ASB18: variants seen among roughly 807,000 people sequenced by gnomAD.
ASB18 encodes the protein ankyrin repeat and SOCS box protein 18.
ASB18 carries 33 observed loss-of-function variants against 33.4 expected under a neutral mutation model. That is an observed-to-expected ratio of 0.99 (90% CI 0.75 to 1.32). ASB18 has a LOEUF of 1.32. Among genes scored for constraint, ASB18 ranks in the 40% most tolerant of loss-of-function variants. The pLI, the probability that ASB18 is intolerant of heterozygous loss-of-function variation, is 0.00. For missense variants in ASB18, 694 were observed against 655.5 expected (o/e 1.06, Z -0.64); for synonymous variants, 295 against 307.6 (o/e 0.96, Z 0.43).
At position 236,205,259 on chromosome 2, in the gene ASB18, C is replaced by T. The variant is rs2060427402; in HGVS notation, c.1102-8874G>A. ...TTACCACCCCTAATCTCATCTCCTA[C>T]TCCCATCCCACTAGCTCCTTCCATC... is the stretch of plus-strand genomic sequence containing the variant. On this transcript the variant is annotated intron_variant, in intron 4 of 5. Transcript: ENST00000409749. The surrounding 1 kb of genome is among the most constrained non-coding windows in gnomAD (Gnocchi z 5.4). 6.6e-6 allele frequency among the ~76,000 whole-genome samples: 1 copy of T among 152,218 alleles called. No individual in the cohort carries two copies. Among genetic ancestry groups the T allele is most frequent in the Non-Finnish European group, 1.5e-5 (1 of 68,046 alleles).
rs1415225462 is a variant in ASB18, at chr2:236,193,827, T to G, written c.*1045A>C. Among the ~76,000 whole-genome samples, 1 of 152,170 alleles carries G rather than the reference T, an allele frequency of 6.6e-6. No individual in the cohort carries two copies. Among genetic ancestry groups the G allele is most frequent in the Admixed American group, 6.5e-5 (1 of 15,276 alleles). The stretch of plus-strand genomic sequence containing the variant: ...AAGACTGATTCCTGGGCAAGGCCAC[T>G]GTCTGTATGGGTTTTCTCTGGGTGC... On this transcript the variant is annotated 3_prime_UTR_variant, in exon 6 of 6. Transcript: ENST00000409749. The surrounding 1 kb of genome is among the most constrained non-coding windows in gnomAD (Gnocchi z 5.0).
chr2:236,246,918 T>C (rs2060648048), intron 1 of ASB18, among the ~76,000 whole-genome samples: 1 of 152,222 alleles, frequency 6.6e-6, no homozygotes, highest in Admixed American at 6.5e-5. Context: ...CAACTGTGTT[T>C]CACTTTAACG....
Position 236,255,286 on chromosome 2 carries a change from G to A in ASB18, c.205+8855C>T, listed in dbSNP as rs1229232689. On this transcript the variant is annotated intron_variant, in intron 1 of 5. Coordinates refer to ENST00000409749, the MANE Select transcript of ASB18 (RefSeq NM_212556.4). This position sits in a 1 kb window ranked among gnomAD's most constrained non-coding sequence, Gnocchi z 4.4. ...AGCCTCTTGAGTAGCTGAAATTACA[G>A]GCGCCCACCACGACGCCCAGCTAAT... Among the ~76,000 whole-genome samples, 1 of 152,008 alleles carries A rather than the reference G, an allele frequency of 6.6e-6. No individual in the cohort carries two copies. The highest frequency in any genetic ancestry group is 1.5e-5 in the Non-Finnish European group (1 of 68,002).
At position 236,214,446 on chromosome 2, in the gene ASB18, G is replaced by A. The variant is rs764175796; in HGVS notation, c.1017C>T (p.Cys339=). The A allele has an allele frequency of 1.9e-6, 3 of 1,540,552 alleles. No individual in the cohort carries two copies. The highest frequency in any genetic ancestry group is 1.9e-5 in the Admixed American group (1 of 51,874). ...TGCGCTGCGGTGAGGCCTGGAGAGC[G>A]CAGGATGCGGTCTGGAGCACGCGGC... The part of the protein sequence containing the change: ...PLGRVLQTAS[C]ALQASPQRTV... The change falls in exon 4 of 6, where the codon TGC becomes TGT. Residue 339 remains cysteine (C), a synonymous_variant. Coordinates refer to ENST00000409749, the MANE Select transcript of ASB18 (RefSeq NM_212556.4). The surrounding 1 kb of genome is among the most constrained non-coding windows in gnomAD (Gnocchi z 6.5).
chr2:236,264,062 C>A lies in ASB18; in HGVS notation c.205+79G>T. 1.5e-6 allele frequency: 2 copies of A among 1,296,776 alleles called. No homozygotes were observed. The highest frequency in any genetic ancestry group is 2.5e-5 in the South Asian group (2 of 79,914). The allele number at this position is 1,296,776 out of a possible 1,614,324, so 80.3% of individuals were successfully genotyped here. A position where few individuals can be genotyped will look rare whatever the true frequency, so the allele number is the denominator to read the frequency against. ...ATTTACTTTTTCCAAACATTTGCCC[C>A]TCTACCTCCAGGATCTGCCCACCCC... On this transcript the variant is annotated intron_variant, in intron 1 of 5. Transcript: ENST00000409749. This position sits in a 1 kb window ranked among gnomAD's most constrained non-coding sequence, Gnocchi z 5.1.
intron 4 of ASB18, among the ~76,000 whole-genome samples, chr2:236,199,786 GT>G (rs79482867): frequency 0.27 from 40,247 of 147,768 alleles, 5,559 homozygotes; most frequent in South Asian, 0.39. Context: ...GATAAAATTT[GT>G]TTTTTTTTTA....
chr2:236,197,976 T>C (rs1341510450), intron 4 of ASB18, among the ~76,000 whole-genome samples: 1 of 152,204 alleles, frequency 6.6e-6, no homozygotes, highest in Non-Finnish European at 1.5e-5. Flanking sequence ...TATGCAACTT[T>C]TCTAAGCCCA....
Position 236,194,951 on chromosome 2 carries a change from A to G in ASB18, c.1322T>C (p.Phe441Ser), listed in dbSNP as rs971186011. The change falls in exon 6 of 6, where the codon TTT (phenylalanine) becomes TCT (serine). Residue 441 changes from phenylalanine to serine, a missense_variant. By Grantham distance (155) the Phe-to-Ser change is radical. Coordinates refer to ENST00000409749, the MANE Select transcript of ASB18 (RefSeq NM_212556.4). This position sits in a 1 kb window ranked among gnomAD's most constrained non-coding sequence, Gnocchi z 4.5. ...CAAGGGTAACAGGGGGATGAGGTCA[A>G]AGCACCTTTTGCCAAACAGTCTGCG... ...ALRRLFGKRCFDLIPLLPLPK... is the reference protein window; with the variant it reads ...ALRRLFGKRCSDLIPLLPLPK... 26 of 1,613,912 alleles carry G rather than the reference A, an allele frequency of 1.6e-5. No individual in the cohort carries two copies. Among genetic ancestry groups the G allele is most frequent in the Non-Finnish European group, 2.0e-5 (24 of 1,179,864 alleles).
chr2:236,236,685 C>T (rs1301611590), intron 3 of ASB18, among the ~76,000 whole-genome samples: 4 of 152,234 alleles, frequency 2.6e-5, no homozygotes, highest in Non-Finnish European at 5.9e-5. Context: ...TCCCTGAATG[C>T]CCAGCAGTCC....
chr2:236,253,226 C>T lies in ASB18; in HGVS notation c.205+10915G>A, dbSNP rs144468843. Among the ~76,000 whole-genome samples, 299 of 152,278 alleles carry T rather than the reference C, an allele frequency of 2.0e-3. No homozygotes were observed. Among genetic ancestry groups the T allele is most frequent in the African/African-American group, 7.0e-3 (290 of 41,560 alleles). On this transcript the variant is annotated intron_variant, in intron 1 of 5. Transcript: ENST00000409749. The surrounding 1 kb of genome is among the most constrained non-coding windows in gnomAD (Gnocchi z 5.4). ...GGAAGCAGCAGAAGAGGCAGATGTG[C>T]AAACGCCAGGAAGGGACTGCGGACT...
In ASB18 at chr2:236,208,146, G is replaced by A. The variant is rs989968928; in HGVS notation, c.1101+6216C>T. ...CTGAGTCAGGCTTGGCAGGCTTTAC[G>A]GAAAGAGAGAGACAGAGCATGAACA... is the stretch of plus-strand genomic sequence containing the variant. On this transcript the variant is annotated intron_variant, in intron 4 of 5. Transcript: ENST00000409749. The surrounding 1 kb of genome is among the most constrained non-coding windows in gnomAD (Gnocchi z 7.7). 2.6e-5 allele frequency among the ~76,000 whole-genome samples: 4 copies of A among 152,134 alleles called. No individual in the cohort carries two copies. The highest frequency in any genetic ancestry group is 6.5e-5 in the Admixed American group (1 of 15,278).
In ASB18 at chr2:236,209,306, T is replaced by C. The variant is rs977638699; in HGVS notation, c.1101+5056A>G. The stretch of plus-strand genomic sequence containing the variant: ...TTTTTTTTTTAAGACAAGGTCTTGC[T>C]CTGTCGTCCAGGCTGGAGTGTAGTA... On this transcript the variant is annotated intron_variant, in intron 4 of 5. Transcript: ENST00000409749. The surrounding 1 kb of genome is among the most constrained non-coding windows in gnomAD (Gnocchi z 4.4). Among the ~76,000 whole-genome samples the C allele has an allele frequency of 6.6e-6, 1 of 151,254 alleles. No individual in the cohort carries two copies. The highest frequency in any genetic ancestry group is 6.6e-5 in the Admixed American group (1 of 15,158).
chr2:236,201,842 A>G (rs1286304787), intron 4 of ASB18, among the ~76,000 whole-genome samples: 4 of 152,214 alleles, frequency 2.6e-5, no homozygotes, highest in African/African-American at 9.6e-5. Context: ...ATCCTTGGTC[A>G]ATATCAAATG....
chr2:236,214,911 C>A lies in ASB18; in HGVS notation c.597-45G>T. The A allele has an allele frequency of 8.3e-7, 1 of 1,202,320 alleles. No homozygotes were observed. The highest frequency in any genetic ancestry group is 1.0e-6 in the Non-Finnish European group (1 of 968,758). 74.5% of individuals were successfully genotyped at this position (1,202,320 alleles called of 1,614,324 possible). On this transcript the variant is annotated intron_variant, in intron 3 of 5. Transcript: ENST00000409749. This position sits in a 1 kb window ranked among gnomAD's most constrained non-coding sequence, Gnocchi z 6.5. ...GTCACTCGGGCGCCACGCAGGACGC[C>A]CGCACCCTTCCACCCCCGGCCTGCT...
At position 236,228,614 on chromosome 2, in the gene ASB18, T is replaced by A. The variant is rs1172890685; in HGVS notation, c.596+9075A>T. ...AGGTTGAGAGTGTGGGCTGGTGGAT[T>A]TCTACCAGAAAGTTTCTAGGACAGA... On this transcript the variant is annotated intron_variant, in intron 3 of 5. Transcript: ENST00000409749. The surrounding 1 kb of genome is among the most constrained non-coding windows in gnomAD (Gnocchi z 5.1). Among the ~76,000 whole-genome samples the A allele has an allele frequency of 6.6e-6, 1 of 152,184 alleles. No individual in the cohort carries two copies. Among genetic ancestry groups the A allele is most frequent in the Non-Finnish European group, 1.5e-5 (1 of 68,024 alleles).
In ASB18 at chr2:236,257,527, C is replaced by G. The variant is rs964292302; in HGVS notation, c.205+6614G>C. Among the ~76,000 whole-genome samples, 1 of 152,098 alleles carries G rather than the reference C, an allele frequency of 6.6e-6. No homozygotes were observed. The highest frequency in any genetic ancestry group is 2.4e-5 in the African/African-American group (1 of 41,400). On this transcript the variant is annotated intron_variant, in intron 1 of 5. Coordinates refer to ENST00000409749, the MANE Select transcript of ASB18 (RefSeq NM_212556.4). The surrounding 1 kb of genome is among the most constrained non-coding windows in gnomAD (Gnocchi z 5.5). ...ACTCTATCTACTGAGATTGTGTGCA[C>G]GTGTGCATGACTGTGTGTGTGCGTG...
Position 236,200,789 on chromosome 2 carries a change from AT to A in ASB18, c.1102-4405del, listed in dbSNP as rs2060397087. Among the ~76,000 whole-genome samples, 2 of 152,198 alleles carry A rather than the reference AT, an allele frequency of 1.3e-5. No individual in the cohort carries two copies. Among genetic ancestry groups the A allele is most frequent in the Non-Finnish European group, 2.9e-5 (2 of 68,036 alleles). On this transcript the variant is annotated intron_variant, in intron 4 of 5. Transcript: ENST00000409749. This position sits in a 1 kb window ranked among gnomAD's most constrained non-coding sequence, Gnocchi z 4.2. ...GAAATTCACTGTAATTGTATTTTCA[AT>A]GCTTTTTTTCCTGTTTAGTTTTGCT...
In ASB18 at chr2:236,213,271, C is replaced by T. The variant is rs2060467432; in HGVS notation, c.1101+1091G>A. ...AGTGAGCAAACACTAGGGGAGTTGTCTCGGGGGATTTTCTAACCTTTCAGA... is the reference window on the plus strand; with the variant it reads ...AGTGAGCAAACACTAGGGGAGTTGTTTCGGGGGATTTTCTAACCTTTCAGA... On this transcript the variant is annotated intron_variant, in intron 4 of 5. Coordinates refer to ENST00000409749, the MANE Select transcript of ASB18 (RefSeq NM_212556.4). The surrounding 1 kb of genome is among the most constrained non-coding windows in gnomAD (Gnocchi z 4.8). Among the ~76,000 whole-genome samples the T allele has an allele frequency of 6.6e-6, 1 of 151,892 alleles. No homozygotes were observed. The highest frequency in any genetic ancestry group is 1.5e-5 in the Non-Finnish European group (1 of 67,996).
intron 1 of ASB18, among the ~76,000 whole-genome samples, chr2:236,242,179 A>G (rs1009922613): frequency 2.0e-5 from 3 of 152,164 alleles, no homozygotes; most frequent in Non-Finnish European, 4.4e-5. Flanking sequence ...CAGCTGTGCT[A>G]TGATTGGAAC....
Sources: allele counts gnomAD v4.1 joint callset (sites outside exome capture counted in the v4.1 genomes callset), GRCh38; gene constraint gnomAD v4.1.1; non-coding constraint Gnocchi (gnomAD v3.1); transcripts MANE v1.5; gene names NCBI Gene and HGNC (gene_info 2026-07-23, HGNC 2026-07-21).